CACTIN: variants seen among roughly 807,000 people sequenced by gnomAD.
The protein encoded by CACTIN is cactin, spliceosome C complex subunit, also known as splicing factor Cactin.
CACTIN carries 20 observed loss-of-function variants against 84.9 expected under a neutral mutation model. The ratio of observed to expected loss-of-function variants is 0.24; its 90% CI spans 0.17 to 0.34. The LOEUF (loss-of-function observed/expected upper bound fraction) is 0.34. Among genes scored for constraint, CACTIN ranks in the 10% least tolerant of loss-of-function variants. The pLI is 1.00. For synonymous variants in CACTIN, 549 were observed against 467.9 expected (o/e 1.17, Z -2.24); for missense variants, 897 against 1,117.2 (o/e 0.80, Z 2.81).
rs766267733 is a variant in CACTIN at position 3,611,989 on chromosome 19, G to A, written c.2211C>T (p.Arg737=). The change falls in exon 10 of 10, where the codon CGC becomes CGT. Residue 737 remains arginine, a synonymous_variant. Coordinates refer to ENST00000429344, the MANE Select transcript of CACTIN (RefSeq NM_001080543.2). ...GGAAGATGCCGTTGGCAAACTGGCAGCGGAAGCCGTGGCGGTGCGAGTATT... is the reference window on the plus strand; with the variant it reads ...GGAAGATGCCGTTGGCAAACTGGCAACGGAAGCCGTGGCGGTGCGAGTATT... The part of the protein sequence containing the change: ...EWEYSHRHGF[R]CQFANGIFQL... 1.2e-6 allele frequency: 2 copies of A among 1,613,576 alleles called. No individual in the cohort carries two copies. The highest frequency in any genetic ancestry group is 2.2e-5 in the East Asian group (1 of 44,902).
Position 3,611,086 on chromosome 19 carries a change from G to A in CACTIN, c.*837C>T. The A allele has an allele frequency of 5.1e-6, 2 of 395,450 alleles. No individual in the cohort carries two copies. Among genetic ancestry groups the A allele is most frequent in the South Asian group, 3.7e-5 (2 of 54,124 alleles). 24.5% of individuals were successfully genotyped at this position (395,450 alleles called of 1,614,324 possible). ...CCAGGTGGGGGGATCCCTGGGGGAA[G>A]CCCCTCACCCTTCTCCAACCCCCAG... is the stretch of plus-strand genomic sequence containing the variant. On this transcript the variant is annotated 3_prime_UTR_variant, in exon 10 of 10. Transcript: ENST00000429344.
At chr19:3,620,391 C>A (rs2033198444) in intron 3 of CACTIN, 119 bp from the exon 4 acceptor site, 3 of 1,158,584 alleles carry the variant, frequency 2.6e-6, no homozygotes, top group African/African-American at 3.0e-5. Context: ...AGGGATTGGT[C>A]CGGAGATGCC....
At chr19:3,616,851 C>T (rs1380769995) in intron 6 of CACTIN, among the ~76,000 whole-genome samples, 1 of 151,836 alleles carries the variant, frequency 6.6e-6, no homozygotes, top group Non-Finnish European at 1.5e-5. Flanking sequence ...TGGCTGGGCA[C>T]AGTGGCTCAC....
At chr19:3,612,746 A>C (rs1188039957) in intron 9 of CACTIN, 2 of 696,174 alleles carry the variant, frequency 2.9e-6, no homozygotes, top group East Asian at 2.7e-5. Context: ...GTCCTGGCCC[A>C]GGGGTTTTCT....
intron 2 of CACTIN, among the ~76,000 whole-genome samples, chr19:3,622,738 T>C (rs2033249925): frequency 6.6e-6 from 1 of 152,224 alleles, no homozygotes; most frequent in South Asian, 2.1e-4. Context: ...TTCTGTTGTC[T>C]TATGCCACTG....
Position 3,612,408 on chromosome 19 carries a change from C to A in CACTIN, c.1792G>T (p.Ala598Ser). ...SRQQLQVTGD[A>S]SESAEDIFFR... ...AAGATGTCCTCGGCGCTCTCGCTGG[C>A]GTCTCCTGCGGGCGGGACGGCGTTC... The change falls in exon 10 of 10, where the codon GCC (alanine) becomes TCC (serine). Residue 598 changes from alanine to serine, a missense_variant. By Grantham distance (99) the Ala-to-Ser change is moderately conservative. Coordinates refer to ENST00000429344, the MANE Select transcript of CACTIN (RefSeq NM_001080543.2). 6.3e-7 allele frequency: 1 copy of A among 1,590,180 alleles called. No individual in the cohort carries two copies. The highest frequency in any genetic ancestry group is 1.1e-5 in the South Asian group (1 of 89,780).
At chr19:3,614,125 G>A (rs532880600) in intron 7 of CACTIN, among the ~76,000 whole-genome samples, 1 of 152,310 alleles carries the variant, frequency 6.6e-6, no homozygotes, top group South Asian at 2.1e-4. Context: ...AAGGGCGGAA[G>A]CTCCTGGGGA....
chr19:3,620,200 C>T lies in CACTIN; in HGVS notation c.811G>A (p.Glu271Lys), dbSNP rs1347230485. The change falls in exon 4 of 10, where the codon GAG becomes AAG. Residue 271 changes from glutamate (E) to lysine (K), a missense_variant. Coordinates refer to ENST00000429344, the MANE Select transcript of CACTIN (RefSeq NM_001080543.2). ...REQELEMLQR[E>K]KEAEHFKTWE... ...GTCTTGAAGTGCTCTGCCTCCTTCTCGCGCTGCAGCATCTCCAGCTCCTGC... is the reference window on the plus strand; with the variant it reads ...GTCTTGAAGTGCTCTGCCTCCTTCTTGCGCTGCAGCATCTCCAGCTCCTGC... The T allele has an allele frequency of 3.7e-6, 6 of 1,609,854 alleles. No individual in the cohort carries two copies. The highest frequency in any genetic ancestry group is 1.1e-5 in the South Asian group (1 of 90,676).
In CACTIN at chr19:3,613,229, C is replaced by T. The variant is rs1290505711; in HGVS notation, c.1615G>A (p.Ala539Thr). The T allele has an allele frequency of 5.0e-6, 8 of 1,600,562 alleles. No individual in the cohort carries two copies. Among genetic ancestry groups the T allele is most frequent in the African/African-American group, 1.4e-5 (1 of 74,010 alleles). Residue 539 changes from alanine (A) to threonine (T), a missense_variant, in exon 9 of 10, where the codon GCG (alanine) becomes ACG (threonine). Around this residue, in one of 8 missense-constraint regions of CACTIN, gnomAD observed 243 missense variants for 239.9 expected, o/e 1.01. Transcript: ENST00000429344. ...GDGEGEGEGE[A>T]VLMEEDLIQQ... The stretch of plus-strand genomic sequence containing the variant: ...ATCAGGTCCTCCTCCATGAGCACCG[C>T]CTCGCCCTCGCCCTCGCCCTCACCG...
chr19:3,611,864 T>C lies in CACTIN; in HGVS notation c.*59A>G, dbSNP rs776664955. ...CAGCGGCCCCGGAGTGACCACCAGC[T>C]TCACCGAAGCCCCTTTACTGTGCCC... On this transcript the variant is annotated 3_prime_UTR_variant, in exon 10 of 10. Coordinates refer to ENST00000429344, the MANE Select transcript of CACTIN (RefSeq NM_001080543.2). The C allele has an allele frequency of 2.0e-5, 32 of 1,586,390 alleles. No homozygotes were observed. In the East Asian group the frequency reaches 7.3e-4, roughly 36 times the overall value.
chr19:3,620,412 G>A, intron 3 of CACTIN, 140 bp from the exon 4 acceptor site: 1 of 1,015,186 alleles, frequency 9.9e-7, no homozygotes, highest in Non-Finnish European at 1.5e-6. Flanking sequence ...TGGGCTGGTG[G>A]ACAGACCTTG....
chr19:3,612,163 G>A lies in CACTIN; in HGVS notation c.2037C>T (p.Asn679=). 6.2e-7 allele frequency: 1 copy of A among 1,613,720 alleles called. No individual in the cohort carries two copies. The highest frequency in any genetic ancestry group is 8.5e-7 in the Non-Finnish European group (1 of 1,179,908). ...PPKIVQGYKF[N]IFYPDLIDKR... ...TGTCGATGAGGTCGGGGTAGAAGAT[G>A]TTGAACTTGTATCCCTGCACGATCT... Residue 679 remains asparagine, a synonymous_variant, in exon 10 of 10, where the codon AAC becomes AAT. Coordinates refer to ENST00000429344, the MANE Select transcript of CACTIN (RefSeq NM_001080543.2).
At chr19:3,621,210 G>C (rs999803150) in intron 2 of CACTIN, among the ~76,000 whole-genome samples, 1 of 152,226 alleles carries the variant, frequency 6.6e-6, no homozygotes, top group Non-Finnish European at 1.5e-5. Context: ...AGCAAGTCAG[G>C]GTCCCCCACT....
rs140115333 is a variant in CACTIN at position 3,618,127 on chromosome 19, C to T, written c.1162+748G>A. ...GGCACTGTTACAGCAGCCGCTGGGG[C>T]GTGGATTTTGGCGGGGAGGGGGCAG... is the stretch of plus-strand genomic sequence containing the variant. On this transcript the variant is annotated intron_variant, in intron 6 of 9. Transcript: ENST00000429344. Among the ~76,000 whole-genome samples, 775 of 120,482 alleles carry T rather than the reference C, an allele frequency of 6.4e-3. 10 individuals are homozygous for T. Among genetic ancestry groups the T allele is most frequent in the African/African-American group, 0.024 (723 of 29,594 alleles). 79.0% of individuals were successfully genotyped at this position (120,482 alleles called of 152,430 possible).
chr19:3,613,336 G>C lies in CACTIN; in HGVS notation c.1508C>G (p.Pro503Arg), dbSNP rs758119857. ...GCCGCCCTCCGAGGAGGGCCCGGGC[G>C]GGGTGGGCGCCGCGTCCTCAGGCTC... Reference protein sequence around the residue: ...SLEPEDAAPTPPGPSSEGGPA... With the variant: ...SLEPEDAAPTRPGPSSEGGPA... The change falls in exon 9 of 10, where the codon CCG (proline) becomes CGG (arginine). Residue 503 changes from proline (P) to arginine (R), a missense_variant. Around this residue, in one of 8 missense-constraint regions of CACTIN, gnomAD observed 243 missense variants for 239.9 expected, o/e 1.01. Transcript: ENST00000429344. 3 of 1,519,958 alleles carry C rather than the reference G, an allele frequency of 2.0e-6. No individual in the cohort carries two copies. The highest frequency in any genetic ancestry group is 2.6e-6 in the Non-Finnish European group (3 of 1,140,366). 94.2% of individuals were successfully genotyped at this position (1,519,958 alleles called of 1,614,324 possible). A position where few individuals can be genotyped will look rare whatever the true frequency, so the allele number is the denominator to read the frequency against.
intron 2 of CACTIN, among the ~76,000 whole-genome samples, chr19:3,622,258 G>A (rs903331281): frequency 2.0e-5 from 3 of 151,858 alleles, no homozygotes; most frequent in African/African-American, 7.3e-5. Flanking sequence ...CAGCTACTTG[G>A]GAGGCTGGGG....
intron 9 of CACTIN, 176 bp downstream of exon 9, chr19:3,612,882 A>T: frequency 1.2e-6 from 1 of 819,662 alleles, no homozygotes; most frequent in Non-Finnish European, 2.0e-6. Flanking sequence ...AGGATGAATG[A>T]AGGAACGCCC....
At chr19:3,624,403 A>G (rs1347787397) in intron 1 of CACTIN, among the ~76,000 whole-genome samples, 1 of 152,236 alleles carries the variant, frequency 6.6e-6, no homozygotes, top group Admixed American at 6.5e-5. Flanking sequence ...AAAGAGTAGC[A>G]ATGCCGAGCA....
At position 3,624,102 on chromosome 19, in the gene CACTIN, C is replaced by T. The variant is rs1390195639; in HGVS notation, c.228G>A (p.Arg76=). Residue 76 remains arginine (R), a synonymous_variant, in exon 2 of 10, where the codon CGG becomes CGA. Transcript: ENST00000429344. The stretch of plus-strand genomic sequence containing the variant: ...ACCCATCTCTTGAGTGCCACTTGGG[C>T]CGCGGGGGGCTCCGGCTTCGCATCC... ...RSGMRSRSPP[R]PKWHSRDGSS... 6.3e-7 allele frequency: 1 copy of T among 1,590,098 alleles called. No homozygotes were observed. Among genetic ancestry groups the T allele is most frequent in the Admixed American group, 1.7e-5 (1 of 59,560 alleles).
Sources: allele counts gnomAD v4.1 joint callset (sites outside exome capture counted in the v4.1 genomes callset), GRCh38; gene constraint gnomAD v4.1.1; regional missense constraint gnomAD v4.1.1; transcripts MANE v1.5; gene names NCBI Gene and HGNC (gene_info 2026-07-23, HGNC 2026-07-21).